The following HIVEP3 variants were observed in gnomAD, a reference collection of about 807,000 sequenced individuals.
The protein encoded by HIVEP3 is transcription factor HIVEP3.
HIVEP3 carries 49 observed loss-of-function variants against 152.8 expected under a neutral mutation model. The observed-to-expected ratio is 0.32, with a 90% confidence interval of 0.26 to 0.41. HIVEP3 has a LOEUF of 0.41. Among genes scored for constraint, HIVEP3 ranks in the 10% least tolerant of loss-of-function variants. The pLI, the probability that HIVEP3 is intolerant of heterozygous loss-of-function variation, is 1.00. For missense variants in HIVEP3, 2,790 were observed against 3,103.3 expected (o/e 0.90, Z 2.40); for synonymous variants, 1,269 against 1,289.0 (o/e 0.98, Z 0.33).
intron 1 of HIVEP3, among the ~76,000 whole-genome samples, chr1:41,722,466 TCC>T (rs1558211488): frequency 4.2e-5 from 6 of 141,820 alleles, no homozygotes; most frequent in African/African-American, 1.3e-4. Context: ...CCTTCCTTCC[TCC>T]CCTTCCCTCT....
chr1:42,017,977 T>C (rs1253213101), intron 1 of HIVEP3, among the ~76,000 whole-genome samples: 3 of 152,184 alleles, frequency 2.0e-5, no homozygotes, highest in Non-Finnish European at 2.9e-5. Flanking sequence ...CTGAAGCATA[T>C]GTAGACATAC....
At chr1:41,956,542 T>G (rs1645141480) in intron 1 of HIVEP3, among the ~76,000 whole-genome samples, 1 of 152,226 alleles carries the variant, frequency 6.6e-6, no homozygotes, top group Non-Finnish European at 1.5e-5. Context: ...GCAGTACAAC[T>G]TCATCCCAAA....
At chr1:41,544,434 G>C (rs1483417049) in intron 5 of HIVEP3, 2 of 151,902 alleles carry the variant, frequency 1.3e-5, no homozygotes, top group African/African-American at 2.4e-5. Context: ...TCTTTGAATT[G>C]ATTAAACACC....
At chr1:41,893,015 C>T (rs1056027554) in intron 1 of HIVEP3, among the ~76,000 whole-genome samples, 2 of 148,400 alleles carry the variant, frequency 1.3e-5, no homozygotes, top group South Asian at 4.3e-4. Flanking sequence ...CCCAGCTACT[C>T]GGGAGGCTGA....
At chr1:41,766,387 T>C (rs375943042) in intron 1 of HIVEP3, among the ~76,000 whole-genome samples, 7 of 152,326 alleles carry the variant, frequency 4.6e-5, no homozygotes, top group African/African-American at 1.7e-4. Context: ...GCCAAAAATG[T>C]CAATAGTGCT....
chr1:41,707,175 G>A (rs910862479), intron 1 of HIVEP3, among the ~76,000 whole-genome samples: 3 of 152,162 alleles, frequency 2.0e-5, no homozygotes, highest in Non-Finnish European at 2.9e-5. Context: ...CAGGACCTCT[G>A]GGGCTTCTTA....
At chr1:41,682,047 G>A (rs931826769) in intron 2 of HIVEP3, among the ~76,000 whole-genome samples, 11 of 151,976 alleles carry the variant, frequency 7.2e-5, no homozygotes, top group Non-Finnish European at 1.5e-4. Context: ...GGGTCTCCGC[G>A]GATATCACTT....
At chr1:41,929,281 G>A (rs1644983783) in intron 1 of HIVEP3, among the ~76,000 whole-genome samples, 1 of 152,076 alleles carries the variant, frequency 6.6e-6, no homozygotes, top group Non-Finnish European at 1.5e-5. Flanking sequence ...CTCATGGATA[G>A]TTATTTTATT....
intron 1 of HIVEP3, among the ~76,000 whole-genome samples, chr1:41,988,037 G>A (rs1295829897): frequency 1.3e-5 from 2 of 152,026 alleles, no homozygotes; most frequent in Admixed American, 6.5e-5. Context: ...GTGGGGACAC[G>A]GAGCCAAACC....
chr1:41,584,491 C>G lies in HIVEP3; in HGVS notation c.307G>C (p.Ala103Pro). ...TCAGGTTTGCCAGGCGACATGAATG[C>G]TGGTGTCAGAGGGTGCTGCGGAAGC... Reference protein sequence around the residue: ...SQLPQHPLTPAFMSPGKPEHL... With the variant: ...SQLPQHPLTPPFMSPGKPEHL... The change falls in exon 4 of 9, where the codon GCA becomes CCA. Residue 103 changes from alanine to proline, a missense_variant. Physicochemically the swap from Ala to Pro is conservative, Grantham distance 27 (BLOSUM62 -1). This residue lies in a region of HIVEP3 where 209 missense variants were observed against 237.0 expected (regional missense o/e 0.88). Transcript: ENST00000372583. The surrounding 1 kb of genome is among the most constrained non-coding windows in gnomAD (Gnocchi z 5.2). The G allele has an allele frequency of 6.2e-7, 1 of 1,614,120 alleles. No individual in the cohort carries two copies. Among genetic ancestry groups the G allele is most frequent in the Middle Eastern group, 1.6e-4 (1 of 6,062 alleles).
chr1:41,520,652 C>A (rs1288711412), intron 6 of HIVEP3, among the ~76,000 whole-genome samples: 1 of 152,258 alleles, frequency 6.6e-6, no homozygotes, highest in African/African-American at 2.4e-5. Context: ...TATTACCTCA[C>A]TTGTTGCACC....
At chr1:41,881,573 C>A (rs1333805105) in intron 1 of HIVEP3, among the ~76,000 whole-genome samples, 1 of 152,222 alleles carries the variant, frequency 6.6e-6, no homozygotes, top group Non-Finnish European at 1.5e-5. Context: ...TCATGGTCCC[C>A]AGTCCTGCCT....
At chr1:42,035,411 AACAAACCC>A (rs1645635834) in intron 1 of HIVEP3, among the ~76,000 whole-genome samples, 1 of 152,242 alleles carries the variant, frequency 6.6e-6, no homozygotes, top group Non-Finnish European at 1.5e-5. Flanking sequence ...CTCAGACGTC[AACAAACCC>A]CTGACCACAA....
rs1175134716 is a variant in HIVEP3, at chr1:41,857,967, C to CTCAA, written c.-801+60442_-801+60445dup. Among the ~76,000 whole-genome samples, 7 of 141,780 alleles carry CTCAA rather than the reference C, an allele frequency of 4.9e-5. No homozygotes were observed. In the East Asian group the frequency reaches 1.4e-3, roughly 28 times the overall value. 93.0% of individuals were successfully genotyped at this position (141,780 alleles called of 152,430 possible). ...CTCTCCAACTAGTTAACTGTGAAAT[C>CTCAA]TCAATCAATCAATCAATCTCTCTCT... On this transcript the variant is annotated intron_variant, in intron 1 of 8. Transcript: ENST00000372583.
chr1:41,863,293 G>A (rs1005585810), intron 1 of HIVEP3, among the ~76,000 whole-genome samples: 1 of 152,184 alleles, frequency 6.6e-6, no homozygotes, highest in African/African-American at 2.4e-5. Context: ...GAGAACGCTG[G>A]AAAAGGATGG....
At chr1:41,827,102 G>A (rs140304044) in intron 1 of HIVEP3, among the ~76,000 whole-genome samples, 1 of 152,230 alleles carries the variant, frequency 6.6e-6, no homozygotes, top group East Asian at 1.9e-4. Flanking sequence ...TGGTCACCAC[G>A]CTGCCCCAGA....
intron 1 of HIVEP3, among the ~76,000 whole-genome samples, chr1:41,703,586 C>A (rs900238940): frequency 6.6e-6 from 1 of 152,134 alleles, no homozygotes; most frequent in African/African-American, 2.4e-5. Flanking sequence ...CGTGTACAAT[C>A]CCTAGAACAG....
At position 41,510,128 on chromosome 1, in the gene HIVEP3, C is replaced by T. The variant is rs773522373; in HGVS notation, c.*323G>A. On this transcript the variant is annotated 3_prime_UTR_variant, in exon 9 of 9. Coordinates refer to ENST00000372583, the MANE Select transcript of HIVEP3 (RefSeq NM_024503.5). Reference sequence around the variant, plus strand: ...GCCAGCCTCTGGGGTGGGTGGCTGCCAACCACAGCGGGGAGGGTCAGGAGG... The same window carrying T: ...GCCAGCCTCTGGGGTGGGTGGCTGCTAACCACAGCGGGGAGGGTCAGGAGG... 1.2e-5 allele frequency: 3 copies of T among 240,610 alleles called. No homozygotes were observed. The highest frequency in any genetic ancestry group is 3.5e-4 in the South Asian group (2 of 5,644). The allele number at this position is 240,610 out of a possible 1,614,324, so 14.9% of individuals were successfully genotyped here.
chr1:41,769,766 C>A (rs1570497214), intron 1 of HIVEP3, among the ~76,000 whole-genome samples: 1 of 152,038 alleles, frequency 6.6e-6, no homozygotes, highest in East Asian at 1.9e-4. Context: ...GAATAAAAAT[C>A]TTTGGGTCAA....
Sources: gnomAD v4.1 joint callset for allele counts (sites outside exome capture counted in the v4.1 genomes callset) on GRCh38, gnomAD v4.1.1 for gene constraint, gnomAD v4.1.1 regional missense constraint, Gnocchi (gnomAD v3.1) non-coding constraint, MANE v1.5 for transcripts, NCBI Gene and HGNC (gene_info 2026-07-23, HGNC 2026-07-21) for gene names.